The following DNAH17 variants were observed in gnomAD, a reference collection of about 807,000 sequenced individuals.
The protein encoded by DNAH17 is dynein axonemal heavy chain 17, also known as axonemal beta dynein heavy chain 17.
In DNAH17, 376 loss-of-function variants were observed where a neutral mutation model predicts 485.6. The ratio of observed to expected loss-of-function variants is 0.77; its 90% CI spans 0.71 to 0.84. DNAH17 has a LOEUF of 0.84. Among genes scored for constraint, DNAH17 ranks in the 40% least tolerant of loss-of-function variants. DNAH17 has a pLI of 0.00. For missense variants in DNAH17, 6,370 were observed against 5,839.3 expected, an observed-to-expected ratio of 1.09 and a Z score of -2.96; for synonymous variants, 3,031 against 2,405.9, an observed-to-expected ratio of 1.26 and a Z score of -7.60.
At position 78,444,840 on chromosome 17, in the gene DNAH17, C is replaced by G. The variant is rs374825726; in HGVS notation, c.11335-43G>C. ...GGGCCCTGTGACTCTTCCCACTTAC[C>G]CGGGTCCCGAGAGCCTTCCTGTACA... On this transcript the variant is annotated intron_variant, in intron 70 of 80. Coordinates refer to ENST00000389840, the MANE Select transcript of DNAH17 (RefSeq NM_173628.4). 3 of 1,526,532 alleles carry G rather than the reference C, an allele frequency of 2.0e-6. No homozygotes were observed. The African/African-American group carries it at 4.2e-5, about 21-fold the overall frequency. The allele number at this position is 1,526,532 out of a possible 1,614,324, so 94.6% of individuals were successfully genotyped here.
At chr17:78,543,807 C>T (rs1476705208) in intron 17 of DNAH17, 50 bp downstream of exon 17, 3 of 1,613,234 alleles carry the variant, frequency 1.9e-6, no homozygotes, top group Non-Finnish European at 2.5e-6. Flanking sequence ...CTCTCTCCTC[C>T]CTGCTAAAAG....
chr17:78,427,815 C>G (rs1007589428), intron 77 of DNAH17, among the ~76,000 whole-genome samples: 1 of 152,008 alleles, frequency 6.6e-6, no homozygotes, highest in Admixed American at 6.6e-5. Context: ...ACCACAAATA[C>G]AAAATTAGCC....
At position 78,485,784 on chromosome 17, in the gene DNAH17, A is replaced by AAGGGGAG; in HGVS notation, c.7276-28_7276-27insCTCCCCT. The AAGGGGAG allele has an allele frequency of 2.5e-6, 4 of 1,608,352 alleles. No homozygotes were observed. In the African/African-American group the frequency reaches 5.3e-5, roughly 22 times the overall value. On this transcript the variant is annotated intron_variant, in intron 46 of 80. Coordinates refer to ENST00000389840, the MANE Select transcript of DNAH17 (RefSeq NM_173628.4). ...TGGGGCAGGGGAGGGAAGGGGAGGG[A>AAGGGGAG]GCTGTGATTCTCAGACACTTCTGCC...
At chr17:78,430,241 A>C (rs2086626146) in intron 75 of DNAH17, among the ~76,000 whole-genome samples, 1 of 152,214 alleles carries the variant, frequency 6.6e-6, no homozygotes, top group South Asian at 2.1e-4. Context: ...CCACGGATTG[A>C]GGCCACATGT....
intron 41 of DNAH17, chr17:78,493,116 G>T (rs1207107011): frequency 5.2e-6 from 1 of 193,326 alleles, no homozygotes; most frequent in Non-Finnish European, 1.1e-5. Context: ...CTCCCAAAGT[G>T]CTGGGATTAC....
intron 33 of DNAH17, 64 bp downstream of exon 33, chr17:78,502,527 G>C: frequency 6.9e-7 from 1 of 1,447,514 alleles, no homozygotes; most frequent in Non-Finnish European, 9.4e-7. Context: ...AGGATACACG[G>C]GCCCATGCAC....
intron 17 of DNAH17, chr17:78,543,645 G>T: frequency 2.9e-6 from 2 of 683,426 alleles, no homozygotes; most frequent in Non-Finnish European, 5.0e-6. Flanking sequence ...AGCTGGTCTC[G>T]ATCTCCTGAC....
chr17:78,454,736 G>T, intron 63 of DNAH17, 31 bp from the exon 64 acceptor site: 1 of 1,568,896 alleles, frequency 6.4e-7, no homozygotes, highest in African/African-American at 1.4e-5. Flanking sequence ...TCTTAGAGGG[G>T]GTAATGCGAC....
At position 78,553,283 on chromosome 17, in the gene DNAH17, GTTTTTT is replaced by G. The variant is rs60587420; in HGVS notation, c.2179-484_2179-479del. On this transcript the variant is annotated intron_variant, in intron 14 of 80. Coordinates refer to ENST00000389840, the MANE Select transcript of DNAH17 (RefSeq NM_173628.4). ...AAATTACCCAGTCCCAGGTTTTTGT[GTTTTTT>G]TTTTTTTTTTTTTTTTTTTTTTTTT... 1.4e-3 allele frequency among the ~76,000 whole-genome samples: 73 copies of G among 51,030 alleles called. 3 individuals carry two copies. The East Asian group carries it at 0.017, about 12-fold the overall frequency. The allele number at this position is 51,030 out of a possible 152,430, so 33.5% of individuals were successfully genotyped here.
chr17:78,494,359 C>G (rs1177803669), intron 40 of DNAH17, among the ~76,000 whole-genome samples, 186 bp from the exon 41 acceptor site: 2 of 133,986 alleles, frequency 1.5e-5, no homozygotes, highest in African/African-American at 6.1e-5. Context: ...CGACCTCATG[C>G]AGGGGGTCGG....
rs578036201 is a variant in DNAH17 at position 78,462,853 on chromosome 17, C to T, written c.9165G>A (p.Thr3055=). 74 of 1,613,948 alleles carry T rather than the reference C, an allele frequency of 4.6e-5. No homozygotes were observed. Among genetic ancestry groups the T allele is most frequent in the South Asian group, 2.0e-4 (18 of 91,076 alleles). The change falls in exon 57 of 81, where the codon ACG becomes ACA. Residue 3055 remains threonine, a synonymous_variant. Coordinates refer to ENST00000389840, the MANE Select transcript of DNAH17 (RefSeq NM_173628.4). ...AGCCCCCCTCTCCTACCTGGGAAGC[C>T]GTGCTCTGCAGCTTCATCAGGCCGT... ...LENGLMKLQS[T]ASQVDDLKAK...
intron 25 of DNAH17, among the ~76,000 whole-genome samples, chr17:78,520,674 ACATGTATAGGATC>A (rs1431458365): frequency 6.6e-6 from 1 of 152,236 alleles, no homozygotes; most frequent in Admixed American, 6.5e-5. Flanking sequence ...ATGTAACAAA[ACATGTATAGGATC>A]TTAAATGCTA....
chr17:78,498,073 C>CG (rs1213603959), intron 37 of DNAH17, among the ~76,000 whole-genome samples: 4 of 152,042 alleles, frequency 2.6e-5, no homozygotes, highest in African/African-American at 9.6e-5. Flanking sequence ...ACCCGGGAGG[C>CG]GGAGGTTCAG....
chr17:78,478,090 A>ACCACCACCATCATCATCATCT (rs1202263534), intron 51 of DNAH17, among the ~76,000 whole-genome samples: 2 of 150,308 alleles, frequency 1.3e-5, no homozygotes, highest in African/African-American at 5.0e-5. Context: ...CATCACCATC[A>ACCACCACCATCATCATCATCT]CCACCACCAT....
At chr17:78,484,629 G>C (rs1419768852) in intron 48 of DNAH17, 2 of 326,186 alleles carry the variant, frequency 6.1e-6, no homozygotes, top group East Asian at 1.1e-4. Flanking sequence ...AATGGGTGAT[G>C]GACGAAACTG....
Position 78,452,021 on chromosome 17 carries a change from C to T in DNAH17, c.10530-348G>A, listed in dbSNP as rs555634933. Among the ~76,000 whole-genome samples, 82 of 152,032 alleles carry T rather than the reference C, an allele frequency of 5.4e-4. 1 individual carries two copies. In the South Asian group the frequency reaches 0.014, roughly 26 times the overall value. On this transcript the variant is annotated intron_variant, in intron 65 of 80. Coordinates refer to ENST00000389840, the MANE Select transcript of DNAH17 (RefSeq NM_173628.4). ...TTACAACATTCGTCCATTCTGGAAG[C>T]TCCCAGGACTGCAACCCTGGGTCTG...
At chr17:78,545,557 C>T (rs1236422242) in intron 16 of DNAH17, among the ~76,000 whole-genome samples, 2 of 152,076 alleles carry the variant, frequency 1.3e-5, no homozygotes, top group East Asian at 1.9e-4. Flanking sequence ...TATAAGGGCA[C>T]GAATCTCCTT....
chr17:78,477,972 CCATCATCATCACCACCAT>C (rs1568117133), intron 51 of DNAH17, among the ~76,000 whole-genome samples: 7 of 138,358 alleles, frequency 5.1e-5, no homozygotes, highest in East Asian at 2.1e-4. Flanking sequence ...ATCACCACCA[CCATCATCATCACCACCAT>C]CACCACCACC....
At chr17:78,510,011 G>C (rs1208993261) in intron 27 of DNAH17, among the ~76,000 whole-genome samples, 1 of 152,008 alleles carries the variant, frequency 6.6e-6, no homozygotes, top group African/African-American at 2.4e-5. Context: ...GTGAAACCCC[G>C]CCTCTACTAA....
Sources: allele counts gnomAD v4.1 joint callset (sites outside exome capture counted in the v4.1 genomes callset), GRCh38; gene constraint gnomAD v4.1.1; transcripts MANE v1.5; gene names NCBI Gene and HGNC (gene_info 2026-07-23, HGNC 2026-07-21).